Variants in UGT1A7 observed in about 807,000 individuals in gnomAD.
UGT1A7 encodes UDP-glucuronosyltransferase 1A7.
A neutral mutation model predicts 45.6 loss-of-function variants in UGT1A7; 33 were observed. The observed-to-expected ratio is 0.72, with a 90% confidence interval of 0.55 to 0.97. UGT1A7 has a LOEUF of 0.97. Ranked by LOEUF, UGT1A7 falls within the 50% of genes least tolerant of loss-of-function variation. The pLI, the probability that UGT1A7 is intolerant of heterozygous loss-of-function variation, is 0.00. For missense variants in UGT1A7, 684 were observed against 666.2 expected, an observed-to-expected ratio of 1.03 and a Z score of -0.29; for synonymous variants, 274 against 250.6, an observed-to-expected ratio of 1.09 and a Z score of -0.88.
chr2:233,697,491 A>G lies in UGT1A7; in HGVS notation c.855+14699A>G, dbSNP rs1240411195. ...TCTTAGTCTAGCTCAAGGTTTGCCA[A>G]TTTTGTTTATCTTTTTTTTTTTTTA... On this transcript the variant is annotated intron_variant, in intron 1 of 4. Transcript: ENST00000373426. Among the ~76,000 whole-genome samples, 4 of 148,052 alleles carry G rather than the reference A, an allele frequency of 2.7e-5. No individual in the cohort carries two copies. The South Asian group carries it at 6.4e-4, about 24-fold the overall frequency.
At chr2:233,704,539 G>A (rs1188358198) in intron 1 of UGT1A7, among the ~76,000 whole-genome samples, 3 of 151,844 alleles carry the variant, frequency 2.0e-5, no homozygotes, top group Non-Finnish European at 4.4e-5. Context: ...ACAATACATG[G>A]TGATAATATT....
intron 1 of UGT1A7, among the ~76,000 whole-genome samples, chr2:233,694,153 A>T (rs1344933660): frequency 2.0e-5 from 3 of 152,202 alleles, no homozygotes; most frequent in African/African-American, 7.2e-5. Flanking sequence ...GAAATGTCCC[A>T]GTTCAAACAG....
intron 1 of UGT1A7, chr2:233,712,968 C>A (rs371730914): frequency 1.6e-5 from 26 of 1,612,856 alleles, no homozygotes; most frequent in Admixed American, 3.3e-5. Flanking sequence ...GGTGGACAGT[C>A]AGCTGTCGGT....
intron 1 of UGT1A7, among the ~76,000 whole-genome samples, chr2:233,686,344 T>C (rs1306705883): frequency 6.6e-6 from 1 of 152,140 alleles, no homozygotes; most frequent in Non-Finnish European, 1.5e-5. Context: ...ACAAAAGCTT[T>C]TGTATATCAA....
chr2:233,713,265 C>A (rs770209123), intron 1 of UGT1A7: 2 of 1,614,232 alleles, frequency 1.2e-6, no homozygotes, highest in East Asian at 2.2e-5. Flanking sequence ...ATTTGATCGC[C>A]TTTTGCTGGG....
Position 233,682,645 on chromosome 2 carries a change from A to G in UGT1A7, c.708A>G (p.Gln236=). ...NVLEIASEIL[Q]TPVTAYDLYS... is the part of the protein sequence containing the mutation. The stretch of plus-strand genomic sequence containing the variant: ...TAGAAATAGCCTCTGAAATTCTCCA[A>G]ACCCCTGTCACGGCATATGATCTCT... Residue 236 remains glutamine (Q), a synonymous_variant, in exon 1 of 5, where the codon CAA becomes CAG. Coordinates refer to ENST00000373426, the MANE Select transcript of UGT1A7 (RefSeq NM_019077.3). 6.2e-7 allele frequency: 1 copy of G among 1,613,956 alleles called. No homozygotes were observed. The highest frequency in any genetic ancestry group is 8.5e-7 in the Non-Finnish European group (1 of 1,179,846).
chr2:233,745,338 A>T lies in UGT1A7; in HGVS notation c.856-21696A>T, dbSNP rs565612187. Among the ~76,000 whole-genome samples, 7 of 151,968 alleles carry T rather than the reference A, an allele frequency of 4.6e-5. No individual in the cohort carries two copies. The East Asian group carries it at 1.2e-3, about 25-fold the overall frequency. ...CCACTAGAACTGCTATATCATGACC[A>T]TGAATTTTGGGGGAATTTTTTTGAG... On this transcript the variant is annotated intron_variant, in intron 1 of 4. Transcript: ENST00000373426.
In UGT1A7 at chr2:233,768,366, G is replaced by T. The variant is rs36076514; in HGVS notation, c.1222G>T (p.Val408Leu). The T allele has an allele frequency of 5.0e-5, 80 of 1,614,062 alleles. No homozygotes were observed. The Admixed American group carries it at 1.3e-3, about 26-fold the overall frequency. The part of the protein sequence containing the change: ...AKRMETKGAG[V>L]TLNVLEMTSE... ...GCGCATGGAGACTAAGGGAGCTGGA[G>T]TGACCCTGAATGTTCTGGAAATGAC... The change falls in exon 4 of 5, where the codon GTG becomes TTG. Residue 408 changes from valine (V) to leucine (L), a missense_variant. Val to Leu is a conservative substitution (Grantham distance 32). Transcript: ENST00000373426.
chr2:233,763,077 G>C (rs1318326063), intron 1 of UGT1A7, among the ~76,000 whole-genome samples: 1 of 152,214 alleles, frequency 6.6e-6, no homozygotes, highest in Non-Finnish European at 1.5e-5. Context: ...TTCTTTGCGT[G>C]AGGATGTTTG....
intron 1 of UGT1A7, chr2:233,756,085 A>G (rs75115933): frequency 6.6e-6 from 1 of 152,236 alleles, no homozygotes; most frequent in Non-Finnish European, 1.5e-5. Flanking sequence ...TGAGAAAATC[A>G]AGTAACATTA....
chr2:233,740,631 C>G (rs1198172888), intron 1 of UGT1A7: 1 of 151,760 alleles, frequency 6.6e-6, no homozygotes, highest in East Asian at 1.9e-4. Context: ...CAGGGTCATG[C>G]CTTTCCTTGC....
intron 1 of UGT1A7, chr2:233,743,403 G>GC (rs1347422020): frequency 7.7e-7 from 1 of 1,297,134 alleles, no homozygotes; most frequent in African/African-American, 1.5e-5. Flanking sequence ...AGGAAGAAAG[G>GC]CCCCCACTTC....
intron 1 of UGT1A7, chr2:233,754,508 T>C (rs1695500116): frequency 2.8e-6 from 1 of 361,410 alleles, no homozygotes; most frequent in East Asian, 7.3e-5. Flanking sequence ...CCGCTATTCC[T>C]CCAGATGTGC....
At chr2:233,758,273 A>C (rs575144774) in intron 1 of UGT1A7, among the ~76,000 whole-genome samples, 2 of 152,350 alleles carry the variant, frequency 1.3e-5, no homozygotes, top group South Asian at 4.1e-4. Context: ...TTCTTGGTCA[A>C]GGGCAGAGCT....
intron 1 of UGT1A7, chr2:233,760,598 C>A (rs1373476296): frequency 6.2e-7 from 1 of 1,614,208 alleles, no homozygotes; most frequent in East Asian, 2.2e-5. Context: ...GAGAATGATT[C>A]TTTCCTGCAG....
intron 1 of UGT1A7, among the ~76,000 whole-genome samples, chr2:233,699,067 C>A (rs918094960): frequency 6.6e-6 from 1 of 152,338 alleles, no homozygotes. Flanking sequence ...CCAGCCCTGC[C>A]CAGGGCCTTC....
intron 1 of UGT1A7, among the ~76,000 whole-genome samples, chr2:233,723,516 CTTTTT>C (rs1162916866): frequency 9.4e-5 from 8 of 85,396 alleles, no homozygotes; most frequent in South Asian, 1.1e-3. Context: ...GGTCAACAAT[CTTTTT>C]TTTTTTTTTT....
intron 1 of UGT1A7, chr2:233,693,477 T>A (rs1474224090): frequency 6.2e-7 from 1 of 1,614,186 alleles, no homozygotes; most frequent in Non-Finnish European, 8.5e-7. Flanking sequence ...TGTGGGGTGA[T>A]CCTGGCTGAG....
intron 1 of UGT1A7, among the ~76,000 whole-genome samples, chr2:233,699,348 C>T (rs763342430): frequency 6.6e-6 from 1 of 152,170 alleles, no homozygotes; most frequent in Non-Finnish European, 1.5e-5. Flanking sequence ...CTAGGGCTAA[C>T]CTCTTTTCTT....
Sources: allele counts gnomAD v4.1 joint callset (sites outside exome capture counted in the v4.1 genomes callset), GRCh38; gene constraint gnomAD v4.1.1; transcripts MANE v1.5; gene names NCBI Gene and HGNC (gene_info 2026-07-23, HGNC 2026-07-21).